POGLUT1: variants seen among roughly 807,000 people sequenced by gnomAD.
POGLUT1 encodes the protein 9630046K23Rik.
Under a neutral mutation model 61.3 loss-of-function variants are expected in POGLUT1, and 32 were observed. The observed-to-expected ratio is 0.52, with a 90% CI of 0.39 to 0.70. POGLUT1 has a LOEUF of 0.70. POGLUT1 is among the 30% of genes least tolerant of loss of function. The probability of loss-of-function intolerance (pLI) is 0.00; values close to 1 mark genes in which losing one functional copy is unlikely to be tolerated. For synonymous variants in POGLUT1, 158 were observed against 158.2 expected, an observed-to-expected ratio of 1.00 and a Z score of 0.01; for missense variants, 411 against 469.8, an observed-to-expected ratio of 0.87 and a Z score of 1.16.
At chr3:119,492,255 C>A in intron 10 of POGLUT1, 27 bp from the exon 11 acceptor site, 1 of 1,564,406 alleles carries the variant, frequency 6.4e-7, no homozygotes, top group Non-Finnish European at 8.7e-7. Context: ...TGTGCTTTAA[C>A]ATTTTCTTGT....
chr3:119,490,555 CTG>C lies in POGLUT1; in HGVS notation c.804_805del (p.Phe269Ter). The C allele has an allele frequency of 6.2e-7, 1 of 1,613,848 alleles. No homozygotes were observed. The highest frequency in any genetic ancestry group is 8.5e-7 in the Non-Finnish European group (1 of 1,179,748). ...ATTTTGTTCTTTTTTCCCCAGGTATCTGTTTAATTTTCGAGGCGTAGCTGCAA... is the reference window on the plus strand; with the variant it reads ...ATTTTGTTCTTTTTTCCCCAGGTATCTTTAATTTTCGAGGCGTAGCTGCAA... ...HLVDHCKYKYLFNFRGVAASF... is the reference protein window; with the variant it reads ...HLVDHCKYKYXFNFRGVAASF... On this transcript the variant is annotated frameshift_variant, in exon 9 of 11. Transcript: ENST00000295588. LOFTEE classifies it high-confidence loss of function.
intron 9 of POGLUT1, 46 bp from the exon 10 acceptor site, chr3:119,491,472 A>G (rs1319293870): frequency 9.0e-6 from 8 of 890,080 alleles, no homozygotes; most frequent in Non-Finnish European, 1.4e-5. Context: ...CTTAGTGCCA[A>G]TGAAGTTGGT....
intron 5 of POGLUT1, 78 bp downstream of exon 5, chr3:119,480,250 TA>T: frequency 8.1e-7 from 1 of 1,236,188 alleles, no homozygotes. Flanking sequence ...ACCAATTATT[TA>T]CTTTTTTTTT....
chr3:119,487,102 AC>A, intron 7 of POGLUT1, 170 bp downstream of exon 7: 1 of 606,168 alleles, frequency 1.6e-6, no homozygotes, highest in Non-Finnish European at 2.9e-6. Context: ...TTTCAAACTT[AC>A]ATTGCTTTTC....
rs545827935 is a variant in POGLUT1 at position 119,474,800 on chromosome 3, T to C, written c.321-2513T>C. Among the ~76,000 whole-genome samples, 8 of 152,130 alleles carry C rather than the reference T, an allele frequency of 5.3e-5. No individual in the cohort carries two copies. In the South Asian group the frequency reaches 1.5e-3, roughly 28 times the overall value. The stretch of plus-strand genomic sequence containing the variant: ...GTTACAGTGAGCTAAGACCACGCCA[T>C]TACACTCCAGCCTGGTCAACAAGAA... On this transcript the variant is annotated intron_variant, in intron 3 of 10. Coordinates refer to ENST00000295588, the MANE Select transcript of POGLUT1 (RefSeq NM_152305.3).
chr3:119,483,820 T>C (rs2081633423), intron 5 of POGLUT1, among the ~76,000 whole-genome samples: 1 of 152,078 alleles, frequency 6.6e-6, no homozygotes, highest in African/African-American at 2.4e-5. Flanking sequence ...CAAAAATGTC[T>C]ACAGACATGG....
chr3:119,484,672 ATAAT>A (rs1162452992), intron 5 of POGLUT1, among the ~76,000 whole-genome samples: 1 of 152,128 alleles, frequency 6.6e-6, no homozygotes, highest in Non-Finnish European at 1.5e-5. Context: ...TTCTGTACAC[ATAAT>A]TAATTTCATC....
chr3:119,480,071 C>G lies in POGLUT1; in HGVS notation c.477C>G (p.Ile159Met). The G allele has an allele frequency of 6.2e-7, 1 of 1,613,594 alleles. No individual in the cohort carries two copies. The highest frequency in any genetic ancestry group is 8.5e-7 in the Non-Finnish European group (1 of 1,179,706). Residue 159 changes from isoleucine (I) to methionine (M), a missense_variant, in exon 5 of 11, where the codon ATC becomes ATG. Transcript: ENST00000295588. ...SFSKTSEYHD[I>M]MYPAWTFWEG... ...TGAAGACATCAGAGTACCATGATATCATGTATCCTGCTTGGACATTTTGGG... is the reference window on the plus strand; with the variant it reads ...TGAAGACATCAGAGTACCATGATATGATGTATCCTGCTTGGACATTTTGGG...
chr3:119,477,030 G>A (rs2081545451), intron 3 of POGLUT1, among the ~76,000 whole-genome samples: 1 of 152,198 alleles, frequency 6.6e-6, no homozygotes. Context: ...GAATAAAGTG[G>A]TAGAAGTAGC....
At chr3:119,470,686 G>C (rs982123489) in intron 2 of POGLUT1, among the ~76,000 whole-genome samples, 1 of 152,206 alleles carries the variant, frequency 6.6e-6, no homozygotes, top group East Asian at 1.9e-4. Flanking sequence ...CCCCTGTGCC[G>C]AGCCACTTCA....
intron 8 of POGLUT1, chr3:119,489,544 G>T (rs1257220352): frequency 6.5e-6 from 1 of 152,992 alleles, no homozygotes; most frequent in African/African-American, 2.4e-5. Flanking sequence ...ATGACACGCA[G>T]AGTAGGAGCT....
At chr3:119,470,330 C>A (rs2081455518) in intron 2 of POGLUT1, among the ~76,000 whole-genome samples, 1 of 152,118 alleles carries the variant, frequency 6.6e-6, no homozygotes, top group Non-Finnish European at 1.5e-5. Flanking sequence ...AATCCCAGCA[C>A]TTTGAGAGGC....
intron 7 of POGLUT1, chr3:119,488,616 A>G: frequency 5.0e-6 from 1 of 199,806 alleles, no homozygotes; most frequent in East Asian, 1.1e-4. Flanking sequence ...CACAGAGTGA[A>G]GTGTGCTGCA....
At chr3:119,471,163 T>G in intron 2 of POGLUT1, 146 bp from the exon 3 acceptor site, 3 of 714,416 alleles carry the variant, frequency 4.2e-6, no homozygotes, top group Middle Eastern at 4.1e-4. Flanking sequence ...ACAGGGCTTC[T>G]AGGGAAGAGC....
intron 2 of POGLUT1, 35 bp downstream of exon 2, chr3:119,469,945 T>C: frequency 8.2e-7 from 1 of 1,212,906 alleles, no homozygotes; most frequent in Non-Finnish European, 1.2e-6. Context: ...TTTGAGAGTT[T>C]AGTTGCTGTC....
At chr3:119,477,209 C>T in intron 3 of POGLUT1, 104 bp from the exon 4 acceptor site, 1 of 1,124,938 alleles carries the variant, frequency 8.9e-7, no homozygotes, top group Non-Finnish European at 1.3e-6. Context: ...ATATGGAACA[C>T]TGGAACACTG....
rs750057030 is a variant in POGLUT1, at chr3:119,471,309, T to C, written c.177T>C (p.Gly59=). The change falls in exon 3 of 11, where the codon GGT becomes GGC. Residue 59 remains glycine, a splice_region_variant and synonymous_variant. Coordinates refer to ENST00000295588, the MANE Select transcript of POGLUT1 (RefSeq NM_152305.3). Reference sequence around the variant, plus strand: ...CTTGATGACTCCCATTCTTTCCCAGTGTCATAGAAGAGGATCTAACTCCTT... The same window carrying C: ...CTTGATGACTCCCATTCTTTCCCAGCGTCATAGAAGAGGATCTAACTCCTT... ...CSSQNCSCYH[G]VIEEDLTPFR... The C allele has an allele frequency of 3.1e-6, 5 of 1,613,620 alleles. No homozygotes were observed. The highest frequency in any genetic ancestry group is 3.3e-5 in the Admixed American group (2 of 59,946).
intron 5 of POGLUT1, among the ~76,000 whole-genome samples, chr3:119,485,070 A>G (rs1259883820): frequency 6.6e-6 from 1 of 152,174 alleles, no homozygotes; most frequent in Non-Finnish European, 1.5e-5. Flanking sequence ...ACACAAAATT[A>G]GCCGGGCGTG....
chr3:119,485,646 C>T (rs1318448612), intron 6 of POGLUT1, among the ~76,000 whole-genome samples: 1 of 152,224 alleles, frequency 6.6e-6, no homozygotes, highest in East Asian at 1.9e-4. Context: ...ACAAATGTGT[C>T]GGTCATTGAT....
Sources: allele counts gnomAD v4.1 joint callset (sites outside exome capture counted in the v4.1 genomes callset), GRCh38; gene constraint gnomAD v4.1.1; transcripts MANE v1.5; gene names NCBI Gene and HGNC (gene_info 2026-07-23, HGNC 2026-07-21).